Variants in LRRFIP1 observed in about 807,000 individuals in gnomAD.
LRRFIP1 encodes the protein LRR binding FLII interacting protein 1, also known as leucine-rich repeat flightless-interacting protein 1.
Under a neutral mutation model 104.4 loss-of-function variants are expected in LRRFIP1, and 62 were observed. The ratio of observed to expected loss-of-function variants is 0.59; its 90% confidence interval spans 0.48 to 0.73. The LOEUF (loss-of-function observed/expected upper bound fraction) is 0.73. LRRFIP1 is among the 30% of genes least tolerant of loss of function. The pLI, the probability that LRRFIP1 is intolerant of heterozygous loss-of-function variation, is 0.00. For synonymous variants in LRRFIP1, 300 were observed against 299.0 expected, an observed-to-expected ratio of 1.00 and a Z score of -0.03; for missense variants, 796 against 824.5, an observed-to-expected ratio of 0.97 and a Z score of 0.42.
chr2:237,761,265 C>T (rs990061317), intron 19 of LRRFIP1, among the ~76,000 whole-genome samples: 1 of 152,234 alleles, frequency 6.6e-6, no homozygotes, highest in Non-Finnish European at 1.5e-5. Context: ...GTGGCTCACA[C>T]TTCTAATCCC....
chr2:237,736,770 G>A (rs1189100106), intron 10 of LRRFIP1, among the ~76,000 whole-genome samples: 1 of 152,218 alleles, frequency 6.6e-6, no homozygotes, highest in Non-Finnish European at 1.5e-5. Context: ...AATAGGGATG[G>A]TCAGCTCTGC....
intron 1 of LRRFIP1, chr2:237,692,159 G>T: frequency 1.0e-6 from 1 of 1,002,190 alleles, no homozygotes; most frequent in South Asian, 4.7e-5. Flanking sequence ...GGGGGGCGGG[G>T]CGGGCCGTGG....
At chr2:237,690,071 T>C (rs908628223) in intron 1 of LRRFIP1, among the ~76,000 whole-genome samples, 14 of 152,174 alleles carry the variant, frequency 9.2e-5, no homozygotes, top group African/African-American at 3.4e-4. Flanking sequence ...ATCCCTTCCC[T>C]GTATGGTTTT....
At chr2:237,765,262 TAAA>T (rs769156778) in intron 19 of LRRFIP1, 13 of 124,680 alleles carry the variant, frequency 1.0e-4, no homozygotes, top group Non-Finnish European at 2.1e-4. Flanking sequence ...AAACTCTGTC[TAAA>T]AAAAAAAAAA....
chr2:237,670,874 G>A (rs978543109), intron 1 of LRRFIP1, among the ~76,000 whole-genome samples: 1 of 152,192 alleles, frequency 6.6e-6, no homozygotes, highest in Admixed American at 6.5e-5. Context: ...CGAACGTCTG[G>A]AACATCCTCA....
rs1442572559 is a variant in LRRFIP1 at position 237,703,935 on chromosome 2, C to G, written c.97-4609C>G. Among the ~76,000 whole-genome samples, 4 of 152,014 alleles carry G rather than the reference C, an allele frequency of 2.6e-5. No homozygotes were observed. Among genetic ancestry groups the G allele is most frequent in the Non-Finnish European group, 4.4e-5 (3 of 68,004 alleles). ...CAAGCAGTCTGACGTGGCTGTGGCC[C>G]GTCATGAGATTTTATATTTTACAAA... On this transcript the variant is annotated intron_variant, in intron 1 of 23. Coordinates refer to ENST00000308482, the MANE Select transcript of LRRFIP1 (RefSeq NM_001137550.2). This position sits in a 1 kb window ranked among gnomAD's most constrained non-coding sequence, Gnocchi z 4.3.
intron 1 of LRRFIP1, among the ~76,000 whole-genome samples, chr2:237,674,212 A>G (rs1217217666): frequency 6.6e-6 from 1 of 152,148 alleles, no homozygotes; most frequent in Non-Finnish European, 1.5e-5. Flanking sequence ...GATTGGAAAT[A>G]TGAACTGGGT....
Position 237,735,430 on chromosome 2 carries a change from A to G in LRRFIP1, c.555+97A>G, listed in dbSNP as rs2095209863. On this transcript the variant is annotated intron_variant, in intron 10 of 23. Transcript: ENST00000308482. The surrounding 1 kb of genome is among the most constrained non-coding windows in gnomAD (Gnocchi z 4.6). ...GTCCAGCCGTGGGGGGTGACTGGCCATTCTCAGGAGGAAGCGCCGAGTCAC... is the reference window on the plus strand; with the variant it reads ...GTCCAGCCGTGGGGGGTGACTGGCCGTTCTCAGGAGGAAGCGCCGAGTCAC... 8.5e-7 allele frequency: 1 copy of G among 1,171,534 alleles called. No homozygotes were observed. Among genetic ancestry groups the G allele is most frequent in the African/African-American group, 1.5e-5 (1 of 64,594 alleles). 72.6% of individuals were successfully genotyped at this position (1,171,534 alleles called of 1,614,324 possible).
At chr2:237,774,552 C>T in intron 23 of LRRFIP1, 90 bp downstream of exon 23, 1 of 841,024 alleles carries the variant, frequency 1.2e-6, no homozygotes. Flanking sequence ...ACTGTGACAT[C>T]TGCCCCTGGG....
intron 23 of LRRFIP1, among the ~76,000 whole-genome samples, chr2:237,779,087 T>C (rs1457707709): frequency 6.6e-6 from 1 of 151,900 alleles, no homozygotes; most frequent in Non-Finnish European, 1.5e-5. Flanking sequence ...CTGAGGGTGG[T>C]GGCGCACACC....
intron 19 of LRRFIP1, among the ~76,000 whole-genome samples, chr2:237,767,851 G>T (rs1315062647): frequency 6.6e-6 from 1 of 152,194 alleles, no homozygotes; most frequent in Non-Finnish European, 1.5e-5. Flanking sequence ...AAACGTCTGG[G>T]CCCCTAAGGG....
intron 14 of LRRFIP1, among the ~76,000 whole-genome samples, chr2:237,752,754 C>T (rs1396659277): frequency 6.6e-6 from 1 of 152,220 alleles, no homozygotes; most frequent in African/African-American, 2.4e-5. Context: ...CAGGACCTAC[C>T]CAGTGAGATC....
chr2:237,778,571 G>C (rs1248687639), intron 23 of LRRFIP1, among the ~76,000 whole-genome samples: 1 of 152,190 alleles, frequency 6.6e-6, no homozygotes, highest in Non-Finnish European at 1.5e-5. Flanking sequence ...TCCAGGCTCA[G>C]CTCTTGTTGT....
intron 13 of LRRFIP1, among the ~76,000 whole-genome samples, chr2:237,750,403 C>T (rs768067635): frequency 7.8e-6 from 1 of 128,762 alleles, no homozygotes; most frequent in Non-Finnish European, 1.6e-5. Context: ...ATGGCACGAT[C>T]TCGGCTCACT....
At chr2:237,767,781 C>G (rs2060336077) in intron 19 of LRRFIP1, among the ~76,000 whole-genome samples, 1 of 152,284 alleles carries the variant, frequency 6.6e-6, no homozygotes, top group East Asian at 1.9e-4. Context: ...ACCCCCCAAC[C>G]CTGTACAGCG....
chr2:237,709,898 G>A (rs1412059074), intron 2 of LRRFIP1, among the ~76,000 whole-genome samples: 1 of 151,702 alleles, frequency 6.6e-6, no homozygotes, highest in African/African-American at 2.4e-5. Context: ...TATCGCCCAG[G>A]CTGGAGTACA....
chr2:237,741,313 G>A (rs1184995129), intron 11 of LRRFIP1, among the ~76,000 whole-genome samples: 1 of 152,218 alleles, frequency 6.6e-6, no homozygotes, highest in East Asian at 1.9e-4. Flanking sequence ...GTAAATGGTT[G>A]TGAACAAGGA....
chr2:237,757,461 C>A lies in LRRFIP1; in HGVS notation c.1137C>A (p.Ile379=). ...LKQREEMLEE[I]RQLQQKQASS... ...CTGTCTGTTCCTTTCCTCAGGAAAT[C>A]CGACAGCTACAGCAGAAACAGGCGA... Residue 379 remains isoleucine (I), a synonymous_variant, in exon 17 of 24, where the codon ATC becomes ATA. Coordinates refer to ENST00000308482, the MANE Select transcript of LRRFIP1 (RefSeq NM_001137550.2). The A allele has an allele frequency of 1.9e-6, 3 of 1,586,626 alleles. No individual in the cohort carries two copies. The highest frequency in any genetic ancestry group is 1.7e-4 in the Middle Eastern group (1 of 6,040).
chr2:237,681,678 C>CTTTTTT lies in LRRFIP1; in HGVS notation c.97-26852_97-26847dup, dbSNP rs1172576547. Among the ~76,000 whole-genome samples, 71 of 44,896 alleles carry CTTTTTT rather than the reference C, an allele frequency of 1.6e-3. 17 individuals are homozygous for CTTTTTT. The highest frequency in any genetic ancestry group is 4.4e-3 in the African/African-American group (60 of 13,492). The allele number at this position is 44,896 out of a possible 152,430, so 29.5% of individuals were successfully genotyped here. On this transcript the variant is annotated intron_variant, in intron 1 of 23. Coordinates refer to ENST00000308482, the MANE Select transcript of LRRFIP1 (RefSeq NM_001137550.2). ...CACCGTGCCCGGCCGCAGTCCTATT[C>CTTTTTT]TTTTTTTTTTTTTTTTTTTGAGACG... is the stretch of plus-strand genomic sequence containing the variant.
Sources: gnomAD v4.1 joint callset for allele counts (sites outside exome capture counted in the v4.1 genomes callset) on GRCh38, gnomAD v4.1.1 for gene constraint, Gnocchi (gnomAD v3.1) non-coding constraint, MANE v1.5 for transcripts, NCBI Gene and HGNC (gene_info 2026-07-23, HGNC 2026-07-21) for gene names.